The following DNAH14 variants were observed in gnomAD, a reference collection of about 807,000 sequenced individuals.
The protein encoded by DNAH14 is axonemal beta dynein heavy chain 14.
In DNAH14, 478 loss-of-function variants were observed where a neutral mutation model predicts 520.9. The ratio of observed to expected loss-of-function variants is 0.92; its 90% CI spans 0.85 to 0.99. The LOEUF (loss-of-function observed/expected upper bound fraction) is 0.99. Among genes scored for constraint, DNAH14 ranks in the 50% least tolerant of loss-of-function variants. The pLI is 0.00. For missense variants in DNAH14, 4,831 were observed against 5,234.5 expected (o/e 0.92, Z 2.38); for synonymous variants, 1,581 against 1,757.2 (o/e 0.90, Z 2.51).
At chr1:225,160,891 A>G (rs1289351582) in intron 35 of DNAH14, among the ~76,000 whole-genome samples, 5 of 152,080 alleles carry the variant, frequency 3.3e-5, no homozygotes, top group Non-Finnish European at 7.4e-5. Flanking sequence ...CTTTTAAAAT[A>G]TCCTTGTTCT....
intron 49 of DNAH14, among the ~76,000 whole-genome samples, chr1:225,267,387 A>T (rs1574404273): frequency 7.0e-6 from 1 of 142,180 alleles, no homozygotes; most frequent in Admixed American, 7.6e-5. Flanking sequence ...TCCGCCTCCC[A>T]GGTTCACACC....
At chr1:225,248,233 T>G (rs1350950218) in intron 43 of DNAH14, among the ~76,000 whole-genome samples, 1 of 152,180 alleles carries the variant, frequency 6.6e-6, no homozygotes, top group African/African-American at 2.4e-5. Flanking sequence ...TTAAAGGATG[T>G]ACTTCAGCAA....
At chr1:225,186,124 A>C (rs1423333629) in intron 37 of DNAH14, among the ~76,000 whole-genome samples, 1 of 151,466 alleles carries the variant, frequency 6.6e-6, no homozygotes, top group Non-Finnish European at 1.5e-5. Context: ...ATAAAGTCAG[A>C]CTCCACTAAA....
intron 27 of DNAH14, among the ~76,000 whole-genome samples, chr1:225,138,714 GTCAC>G (rs1337971659): frequency 3.3e-5 from 5 of 152,156 alleles, no homozygotes; most frequent in Non-Finnish European, 7.3e-5. Context: ...GGGTTGCACA[GTCAC>G]TCACCGCCTC....
At chr1:224,980,928 G>A (rs2062221520) in intron 8 of DNAH14, among the ~76,000 whole-genome samples, 2 of 152,282 alleles carry the variant, frequency 1.3e-5, no homozygotes, top group Admixed American at 6.5e-5. Flanking sequence ...ACCATGGCAC[G>A]TGTATACCTA....
chr1:225,141,582 C>G (rs554836459), intron 28 of DNAH14, among the ~76,000 whole-genome samples: 1 of 152,208 alleles, frequency 6.6e-6, no homozygotes, highest in African/African-American at 2.4e-5. Flanking sequence ...CCCTCCACCT[C>G]ATTTTTACTT....
At chr1:225,024,916 T>A (rs1255873207) in intron 11 of DNAH14, among the ~76,000 whole-genome samples, 1 of 152,188 alleles carries the variant, frequency 6.6e-6, no homozygotes, top group East Asian at 1.9e-4. Flanking sequence ...TTACAACATC[T>A]TATCATTTTT....
intron 1 of DNAH14, among the ~76,000 whole-genome samples, chr1:224,947,441 A>T (rs187561856): frequency 1.3e-4 from 20 of 152,290 alleles, no homozygotes; most frequent in Admixed American, 1.2e-3. Context: ...CAAACAAAAA[A>T]ACTGTTGAGA....
chr1:225,344,023 T>C (rs144341149), intron 69 of DNAH14, among the ~76,000 whole-genome samples: 3 of 152,346 alleles, frequency 2.0e-5, no homozygotes, highest in East Asian at 3.9e-4. Flanking sequence ...ATTAGGGCAC[T>C]ATATGCTTTT....
chr1:225,205,902 A>C, intron 39 of DNAH14, 69 bp from the exon 40 acceptor site: 6 of 1,323,912 alleles, frequency 4.5e-6, no homozygotes, highest in Non-Finnish European at 6.2e-6. Flanking sequence ...AAAATAGAAA[A>C]TTAGCAAGAT....
chr1:225,332,155 A>G, intron 65 of DNAH14, among the ~76,000 whole-genome samples: 1 of 152,166 alleles, frequency 6.6e-6, no homozygotes, highest in East Asian at 1.9e-4. Context: ...CTAGTAAGCT[A>G]ACTAGAATCT....
chr1:224,955,024 TAGC>T lies in DNAH14; in HGVS notation c.146_148del (p.Ala49del). On this transcript the variant is annotated inframe_deletion, in exon 3 of 86. Transcript: ENST00000682510. ...CCATTAGAGACTCAACCAGCTGAAA[TAGC>T]AGAAAAGGAAACATTGGAATATAAA... 1.9e-6 allele frequency: 3 copies of T among 1,611,524 alleles called. No individual in the cohort carries two copies. Among genetic ancestry groups the T allele is most frequent in the Non-Finnish European group, 2.5e-6 (3 of 1,178,204 alleles).
rs548926009 is a variant in DNAH14, at chr1:225,211,369, C to A, written c.6439+4149C>A. On this transcript the variant is annotated intron_variant, in intron 41 of 85. Transcript: ENST00000682510. ...AACTTCATGAAGCATACACATGTAT[C>A]AATAACTGAATAGATCAATCAGAAG... Among the ~76,000 whole-genome samples, 11 of 152,034 alleles carry A rather than the reference C, an allele frequency of 7.2e-5. No homozygotes were observed. The East Asian group carries it at 1.9e-3, about 27-fold the overall frequency.
chr1:225,215,483 A>G (rs903270723), intron 41 of DNAH14, among the ~76,000 whole-genome samples: 1 of 152,178 alleles, frequency 6.6e-6, no homozygotes, highest in East Asian at 1.9e-4. Flanking sequence ...TGTCTCGTTG[A>G]TCTGTCTAAT....
chr1:225,011,526 A>G (rs1177626428), intron 10 of DNAH14, among the ~76,000 whole-genome samples: 5 of 151,876 alleles, frequency 3.3e-5, no homozygotes, highest in Non-Finnish European at 7.4e-5. Flanking sequence ...GTTGACAGTG[A>G]GGTGTTAAAG....
intron 43 of DNAH14, among the ~76,000 whole-genome samples, chr1:225,244,630 T>A (rs564610474): frequency 6.6e-6 from 1 of 152,348 alleles, no homozygotes; most frequent in East Asian, 1.9e-4. Context: ...ATTTCTAGTT[T>A]ATTTGCATAG....
At chr1:225,081,708 GT>G (rs2073143482) in intron 19 of DNAH14, among the ~76,000 whole-genome samples, 1 of 152,118 alleles carries the variant, frequency 6.6e-6, no homozygotes, top group Non-Finnish European at 1.5e-5. Flanking sequence ...TATGGGTGAA[GT>G]TTTCAGTTCT....
At chr1:225,008,387 G>A (rs748186527) in intron 10 of DNAH14, among the ~76,000 whole-genome samples, 2 of 152,022 alleles carry the variant, frequency 1.3e-5, no homozygotes, top group Admixed American at 6.6e-5. Flanking sequence ...ATAAACATAC[G>A]TGTGCATGAG....
chr1:225,351,996 C>T, intron 72 of DNAH14, 113 bp downstream of exon 72: 1 of 781,948 alleles, frequency 1.3e-6, no homozygotes, highest in Admixed American at 3.0e-5. Flanking sequence ...GAAGGGAGGA[C>T]TATAACTACA....
Sources: gnomAD v4.1 joint callset for allele counts (sites outside exome capture counted in the v4.1 genomes callset) on GRCh38, gnomAD v4.1.1 for gene constraint, MANE v1.5 for transcripts, NCBI Gene and HGNC (gene_info 2026-07-23, HGNC 2026-07-21) for gene names.